The following RBFOX1 variants were observed in gnomAD, a reference collection of about 807,000 sequenced individuals.
RBFOX1 encodes RNA binding fox-1 homolog 1.
A neutral mutation model predicts 57.7 loss-of-function variants in RBFOX1; 8 were observed. The ratio of observed to expected loss-of-function variants is 0.14; its 90% CI spans 0.08 to 0.25. The LOEUF is 0.25. Among genes scored for constraint, RBFOX1 ranks in the 10% least tolerant of loss-of-function variants. RBFOX1 has a pLI of 1.00. For missense variants in RBFOX1, 611 were observed against 548.5 expected (o/e 1.11, Z -1.14); for synonymous variants, 326 against 222.4 (o/e 1.47, Z -4.15).
chr16:7,084,853 TTCTG>T (rs201379145), intron 4 of RBFOX1, among the ~76,000 whole-genome samples: 17 of 150,592 alleles, frequency 1.1e-4, no homozygotes, highest in South Asian at 2.1e-4. Flanking sequence ...CTGTCTGTCT[TTCTG>T]TCTATCTATC....
chr16:6,315,423 G>A (rs2080959743), intron 1 of RBFOX1, among the ~76,000 whole-genome samples: 1 of 146,640 alleles, frequency 6.8e-6, no homozygotes, highest in Non-Finnish European at 1.5e-5. Context: ...GATAGGTGAG[G>A]GATGGGTGGG....
At chr16:5,452,948 A>C (rs34132212) in intron 1 of RBFOX1, among the ~76,000 whole-genome samples, 57,402 of 151,862 alleles carry the variant, frequency 0.38, 12,303 homozygotes, top group East Asian at 0.5. Context: ...TGACTTTTTT[A>C]CTTGAAATGT....
chr16:7,064,601 C>T (rs185687371), intron 4 of RBFOX1, among the ~76,000 whole-genome samples: 2 of 152,146 alleles, frequency 1.3e-5, no homozygotes, highest in African/African-American at 4.8e-5. Flanking sequence ...CCCCTGACAC[C>T]TGAGTCGCAG....
intron 2 of RBFOX1, among the ~76,000 whole-genome samples, chr16:6,521,646 T>C (rs183013416): frequency 3.0e-4 from 45 of 152,166 alleles, no homozygotes; most frequent in Non-Finnish European, 5.6e-4. Context: ...AAAGAAATAC[T>C]TGTAGGCTAG....
intron 1 of RBFOX1, among the ~76,000 whole-genome samples, chr16:6,100,109 T>C (rs186316027): frequency 9.8e-4 from 149 of 152,332 alleles, no homozygotes; most frequent in African/African-American, 3.5e-3. Flanking sequence ...TTCAGCTTAA[T>C]TGAAATGTGA....
At chr16:7,232,789 TG>T (rs1180791862) in intron 4 of RBFOX1, among the ~76,000 whole-genome samples, 5 of 146,856 alleles carry the variant, frequency 3.4e-5, no homozygotes, top group African/African-American at 1.3e-4. Context: ...TGCCGTGAGC[TG>T]AGATCACGCC....
At chr16:5,321,232 C>T (rs952816947) in intron 1 of RBFOX1, among the ~76,000 whole-genome samples, 1 of 152,042 alleles carries the variant, frequency 6.6e-6, no homozygotes, top group African/African-American at 2.4e-5. Context: ...TGTCTCCAGA[C>T]GTTGAATGTC....
At chr16:6,131,917 G>T (rs2096632527) in intron 1 of RBFOX1, among the ~76,000 whole-genome samples, 1 of 152,182 alleles carries the variant, frequency 6.6e-6, no homozygotes, top group South Asian at 2.1e-4. Context: ...AAAACACTTT[G>T]TATGCACGTC....
intron 3 of RBFOX1, among the ~76,000 whole-genome samples, chr16:6,731,615 C>T (rs975261045): frequency 1.3e-5 from 2 of 152,074 alleles, no homozygotes; most frequent in African/African-American, 4.8e-5. Flanking sequence ...ACTAATGGCT[C>T]TTGGGAGCTG....
At position 6,957,468 on chromosome 16, in the gene RBFOX1, A is replaced by G. The variant is rs903754711; in HGVS notation, c.-15-94589A>G. 2.0e-5 allele frequency among the ~76,000 whole-genome samples: 3 copies of G among 152,146 alleles called. No homozygotes were observed. In the East Asian group the frequency reaches 5.8e-4, roughly 29 times the overall value. On this transcript the variant is annotated intron_variant, in intron 3 of 15. Coordinates refer to ENST00000550418, the MANE Select transcript of RBFOX1 (RefSeq NM_018723.4). ...TATTCATGCCTCCGCTTGTTAGACC[A>G]TATAGGGTAACTTCCTGACGTTGCC...
intron 2 of RBFOX1, among the ~76,000 whole-genome samples, chr16:5,479,517 G>T (rs1597233118): frequency 6.6e-6 from 1 of 152,134 alleles, no homozygotes; most frequent in South Asian, 2.1e-4. Flanking sequence ...CCAGCACTTT[G>T]GGAGGCTGAG....
At chr16:5,559,363 T>G (rs1180101825) in intron 2 of RBFOX1, among the ~76,000 whole-genome samples, 1 of 152,200 alleles carries the variant, frequency 6.6e-6, no homozygotes, top group African/African-American at 2.4e-5. Flanking sequence ...CCATTTGTTT[T>G]GTAATCTGGT....
intron 4 of RBFOX1, among the ~76,000 whole-genome samples, chr16:7,300,232 T>G (rs1410854140): frequency 1.3e-5 from 2 of 151,206 alleles, no homozygotes; most frequent in Non-Finnish European, 2.9e-5. Context: ...CCCCACCCAC[T>G]AGAATGTAAA....
At chr16:7,212,307 C>A (rs574837648) in intron 4 of RBFOX1, among the ~76,000 whole-genome samples, 8 of 152,202 alleles carry the variant, frequency 5.3e-5, no homozygotes, top group African/African-American at 1.7e-4. Flanking sequence ...TCTGCTGTTC[C>A]AATATTGGGA....
intron 1 of RBFOX1, among the ~76,000 whole-genome samples, chr16:6,085,956 T>C (rs376804347): frequency 6.6e-6 from 1 of 152,250 alleles, no homozygotes; most frequent in African/African-American, 2.4e-5. Context: ...CATTAGCCAT[T>C]TATCCTGATG....
intron 2 of RBFOX1, among the ~76,000 whole-genome samples, chr16:6,464,941 C>T (rs956274513): frequency 1.7e-4 from 26 of 152,212 alleles, no homozygotes; most frequent in African/African-American, 5.8e-4. Flanking sequence ...TTTATTAGCT[C>T]TGTTGCCCTC....
chr16:6,933,585 C>T (rs1473844153), intron 3 of RBFOX1, among the ~76,000 whole-genome samples: 1 of 152,174 alleles, frequency 6.6e-6, no homozygotes, highest in Non-Finnish European at 1.5e-5. Flanking sequence ...TGGTGGCAAG[C>T]ACCTGTCATC....
intron 1 of RBFOX1, among the ~76,000 whole-genome samples, chr16:5,374,110 G>T (rs1234415037): frequency 6.6e-6 from 1 of 152,144 alleles, no homozygotes; most frequent in Non-Finnish European, 1.5e-5. Context: ...GCTAATTTTT[G>T]TGTTTTTAGT....
At chr16:6,581,906 C>G (rs1024442187) in intron 2 of RBFOX1, among the ~76,000 whole-genome samples, 9 of 152,196 alleles carry the variant, frequency 5.9e-5, no homozygotes, top group African/African-American at 2.2e-4. Context: ...TTCTTTTGCC[C>G]TAGGCATTCA....
Sources: allele counts gnomAD v4.1 joint callset (sites outside exome capture counted in the v4.1 genomes callset), GRCh38; gene constraint gnomAD v4.1.1; transcripts MANE v1.5; gene names NCBI Gene and HGNC (gene_info 2026-07-23, HGNC 2026-07-21).